Variants in UBAP1L observed in about 807,000 individuals in gnomAD.
The protein encoded by UBAP1L is ubiquitin-associated protein 1-like.
A neutral mutation model predicts 32.1 loss-of-function variants in UBAP1L; 32 were observed. The ratio of observed to expected loss-of-function variants is 1.00; its 90% CI spans 0.75 to 1.34. The LOEUF (loss-of-function observed/expected upper bound fraction) is 1.34. Among genes scored for constraint, UBAP1L ranks in the 40% most tolerant of loss-of-function variants. The probability of loss-of-function intolerance (pLI) is 0.00; values close to 1 mark genes in which losing one functional copy is unlikely to be tolerated. For synonymous variants in UBAP1L, 243 were observed against 250.2 expected (o/e 0.97, Z 0.27); for missense variants, 516 against 540.5 (o/e 0.95, Z 0.45).
At position 65,093,022 on chromosome 15, in the gene UBAP1L, A is replaced by T; in HGVS notation, c.*75T>A. ...CACTTTGTTACTCTTACTTGGTTTT[A>T]ATAATACAGTTAGGATGGGTTGCCA... On this transcript the variant is annotated 3_prime_UTR_variant, in exon 6 of 6. Transcript: ENST00000559089. 1 of 1,489,454 alleles carries T rather than the reference A, an allele frequency of 6.7e-7. No homozygotes were observed. 92.3% of individuals were successfully genotyped at this position (1,489,454 alleles called of 1,614,324 possible).
At chr15:65,110,035 T>G (rs1369115626) in intron 1 of UBAP1L, among the ~76,000 whole-genome samples, 2 of 152,238 alleles carry the variant, frequency 1.3e-5, no homozygotes, top group Non-Finnish European at 2.9e-5. Context: ...TATTTTAAAC[T>G]ACATTAAATA....
chr15:65,101,098 T>A (rs1270721191), intron 3 of UBAP1L: 4 of 152,262 alleles, frequency 2.6e-5, no homozygotes, highest in Non-Finnish European at 5.9e-5. Context: ...TTCAGTGACT[T>A]GCCTAAGGTC....
intron 3 of UBAP1L, chr15:65,101,697 TTCA>T (rs2087240687): frequency 1.3e-5 from 2 of 155,996 alleles, no homozygotes; most frequent in East Asian, 1.9e-4. Context: ...TTGCGTTGCG[TTCA>T]TCAATTCAAC....
chr15:65,105,010 G>GAAAAAAA, intron 2 of UBAP1L: 1 of 173,182 alleles, frequency 5.8e-6, no homozygotes, highest in Non-Finnish European at 1.2e-5. Context: ...TGTCTCAAAT[G>GAAAAAAA]AAAAAAAAAA....
chr15:65,092,987 A>G lies in UBAP1L; in HGVS notation c.*110T>C. The G allele has an allele frequency of 7.4e-7, 1 of 1,348,052 alleles. No homozygotes were observed. The highest frequency in any genetic ancestry group is 1.5e-5 in the African/African-American group (1 of 67,060). 83.5% of individuals were successfully genotyped at this position (1,348,052 alleles called of 1,614,324 possible). A position where few individuals can be genotyped will look rare whatever the true frequency, so the allele number is the denominator to read the frequency against. ...TTGGTATTATTTGTGTTTTTACAAT[A>G]AGTATGCATCACTTTGTTACTCTTA... On this transcript the variant is annotated 3_prime_UTR_variant, in exon 6 of 6. Coordinates refer to ENST00000559089, the MANE Select transcript of UBAP1L (RefSeq NM_001163692.2).
At position 65,102,324 on chromosome 15, in the gene UBAP1L, G is replaced by A. The variant is rs933188149; in HGVS notation, c.481C>T (p.Arg161Trp). The change falls in exon 3 of 6, where the codon CGG (arginine) becomes TGG (tryptophan). Residue 161 changes from arginine to tryptophan, a missense_variant. Arg to Trp is a moderately radical substitution (Grantham distance 101). Coordinates refer to ENST00000559089, the MANE Select transcript of UBAP1L (RefSeq NM_001163692.2). The surrounding 1 kb of genome is among the most constrained non-coding windows in gnomAD (Gnocchi z 5.0). Reference sequence around the variant, plus strand: ...GAGACCAGCTTCCCCTCGGAGAGCCGCCGCCGCGCCCCTGCCAGCTCCAAC... The same window carrying A: ...GAGACCAGCTTCCCCTCGGAGAGCCACCGCCGCGCCCCTGCCAGCTCCAAC... Reference protein sequence around the residue: ...VRLELAGARRRLSEGKLVSRP... With the variant: ...VRLELAGARRWLSEGKLVSRP... 2.1e-6 allele frequency: 3 copies of A among 1,443,598 alleles called. No individual in the cohort carries two copies. The highest frequency in any genetic ancestry group is 1.3e-5 in the South Asian group (1 of 74,444). The allele number at this position is 1,443,598 out of a possible 1,614,324, so 89.4% of individuals were successfully genotyped here. A position where few individuals can be genotyped will look rare whatever the true frequency, so the allele number is the denominator to read the frequency against.
chr15:65,104,512 A>G (rs2087283159), intron 2 of UBAP1L, among the ~76,000 whole-genome samples: 1 of 152,222 alleles, frequency 6.6e-6, no homozygotes, highest in African/African-American at 2.4e-5. Context: ...AATAGGCCTT[A>G]ATATATTATA....
intron 3 of UBAP1L, chr15:65,100,913 G>C (rs2087232920): frequency 6.6e-6 from 1 of 152,220 alleles, no homozygotes; most frequent in South Asian, 2.1e-4. Flanking sequence ...CACCCCCACA[G>C]GGTTGTTATG....
In UBAP1L at chr15:65,102,357, C is replaced by T. The variant is rs1285292928; in HGVS notation, c.448G>A (p.Gly150Ser). ...RRLCSLDVLR[G>S]VRLELAGARR... ...GCCCCTGCCAGCTCCAACCGCACGC[C>T]GCGTAGCACGTCCAGCGAGCACAGG... Residue 150 changes from glycine to serine, a missense_variant, in exon 3 of 6, where the codon GGC becomes AGC. Physicochemically the swap from Gly to Ser is moderately conservative, Grantham distance 56. Coordinates refer to ENST00000559089, the MANE Select transcript of UBAP1L (RefSeq NM_001163692.2). This position sits in a 1 kb window ranked among gnomAD's most constrained non-coding sequence, Gnocchi z 5.0. 2.0e-6 allele frequency: 3 copies of T among 1,474,592 alleles called. No homozygotes were observed. The highest frequency in any genetic ancestry group is 1.8e-6 in the Non-Finnish European group (2 of 1,121,674). 91.3% of individuals were successfully genotyped at this position (1,474,592 alleles called of 1,614,324 possible).
intron 1 of UBAP1L, among the ~76,000 whole-genome samples, chr15:65,106,968 C>T (rs2087319802): frequency 6.6e-6 from 1 of 152,022 alleles, no homozygotes; most frequent in African/African-American, 2.4e-5. Flanking sequence ...TGATACCAAA[C>T]TTGATAAGAA....
intron 2 of UBAP1L, 170 bp downstream of exon 2, chr15:65,105,926 G>T: frequency 1.1e-6 from 1 of 907,696 alleles, no homozygotes; most frequent in Non-Finnish European, 1.7e-6. Flanking sequence ...GAGTAGCTGG[G>T]ATTACAGGCA....
rs2140567816 is a variant in UBAP1L, at chr15:65,106,114, T to C, written c.102A>G (p.Glu34=). 1.9e-6 allele frequency: 3 copies of C among 1,551,024 alleles called. No homozygotes were observed. The highest frequency in any genetic ancestry group is 2.4e-5 in the South Asian group (2 of 83,960). The change falls in exon 2 of 6, where the codon GAA becomes GAG. Residue 34 remains glutamate (E), a synonymous_variant. Coordinates refer to ENST00000559089, the MANE Select transcript of UBAP1L (RefSeq NM_001163692.2). ...CACTTACCATAGAACCCAGCAGAAC[T>C]TCCCCGCAGGCCGGGACGCTGAGTT... is the stretch of plus-strand genomic sequence containing the variant. ...GPELSVPACG[E]VLLGSMHDFS...
At chr15:65,110,087 G>A (rs534712213) in intron 1 of UBAP1L, among the ~76,000 whole-genome samples, 9 of 152,306 alleles carry the variant, frequency 5.9e-5, no homozygotes, top group East Asian at 5.8e-4. Flanking sequence ...TCGGCCGGGC[G>A]CGGTGGCTCA....
chr15:65,112,640 A>C (rs546075907), intron 1 of UBAP1L, among the ~76,000 whole-genome samples: 1 of 152,288 alleles, frequency 6.6e-6, no homozygotes, highest in African/African-American at 2.4e-5. Context: ...CCAGAGCTTC[A>C]ATTACCTGCC....
chr15:65,112,433 A>G (rs1300546907), intron 1 of UBAP1L, among the ~76,000 whole-genome samples: 1 of 152,136 alleles, frequency 6.6e-6, no homozygotes, highest in African/African-American at 2.4e-5. Flanking sequence ...CAGGCTGTGC[A>G]TGCTTGGACA....
At chr15:65,101,540 C>A (rs1486074439) in intron 3 of UBAP1L, 1 of 152,290 alleles carries the variant, frequency 6.6e-6, no homozygotes, top group Non-Finnish European at 1.5e-5. Context: ...GGTCCCACAA[C>A]CCTCTTGGCC....
In UBAP1L at chr15:65,102,655, G is replaced by T. The variant is rs1259087800; in HGVS notation, c.150C>A (p.Leu50=). 6.5e-7 allele frequency: 1 copy of T among 1,548,720 alleles called. No individual in the cohort carries two copies. Among genetic ancestry groups the T allele is most frequent in the African/African-American group, 1.4e-5 (1 of 73,132 alleles). The stretch of plus-strand genomic sequence containing the variant: ...CCTGGCCGGCGGCCTCCACCCAGAA[G>T]AGTGCCGTCCTCTCCAGGCTGAAGT... ...MHDFSLERTA[L]FWVEAAGQGP... is the part of the protein sequence containing the mutation. Residue 50 remains leucine (L), a synonymous_variant, in exon 3 of 6, where the codon CTC becomes CTA. Coordinates refer to ENST00000559089, the MANE Select transcript of UBAP1L (RefSeq NM_001163692.2). The surrounding 1 kb of genome is among the most constrained non-coding windows in gnomAD (Gnocchi z 5.0).
intron 1 of UBAP1L, among the ~76,000 whole-genome samples, chr15:65,113,346 C>A (rs891121520): frequency 2.0e-5 from 3 of 152,214 alleles, no homozygotes; most frequent in Non-Finnish European, 4.4e-5. Flanking sequence ...TTACTCCAGT[C>A]ATGCTAGCCT....
chr15:65,106,225 A>C lies in UBAP1L; in HGVS notation c.-10T>G, dbSNP rs1027371518. On this transcript the variant is annotated 5_prime_UTR_variant, in exon 2 of 6. Coordinates refer to ENST00000559089, the MANE Select transcript of UBAP1L (RefSeq NM_001163692.2). Reference sequence around the variant, plus strand: ...CATCGAGGGCATTCATTCTGTCAGGAGTGTGGAGATGGCTGGCAGGGCTGG... The same window carrying C: ...CATCGAGGGCATTCATTCTGTCAGGCGTGTGGAGATGGCTGGCAGGGCTGG... 4.6e-6 allele frequency: 7 copies of C among 1,530,182 alleles called. 1 individual carries two copies. The South Asian group carries it at 8.7e-5, about 19-fold the overall frequency. The allele number at this position is 1,530,182 out of a possible 1,614,324, so 94.8% of individuals were successfully genotyped here.
Sources: allele counts gnomAD v4.1 joint callset (sites outside exome capture counted in the v4.1 genomes callset), GRCh38; gene constraint gnomAD v4.1.1; non-coding constraint Gnocchi (gnomAD v3.1); transcripts MANE v1.5; gene names NCBI Gene and HGNC (gene_info 2026-07-23, HGNC 2026-07-21).